Variants in EHBP1 observed in about 807,000 individuals in gnomAD.
The protein encoded by EHBP1 is EH domain binding protein 1, also known as EH domain-binding protein 1.
A neutral mutation model predicts 144.0 loss-of-function variants in EHBP1; 55 were observed. The observed-to-expected ratio is 0.38, with a 90% CI of 0.31 to 0.48. EHBP1 has a LOEUF of 0.48. Ranked by LOEUF, EHBP1 falls within the 20% of genes least tolerant of loss-of-function variation. EHBP1 has a pLI of 0.98. For synonymous variants in EHBP1, 469 were observed against 472.7 expected (o/e 0.99, Z 0.10); for missense variants, 1,200 against 1,364.2 (o/e 0.88, Z 1.90).
chr2:62,930,642 G>A (rs1342755276), intron 10 of EHBP1, among the ~76,000 whole-genome samples: 1 of 152,116 alleles, frequency 6.6e-6, no homozygotes, highest in Non-Finnish European at 1.5e-5. Context: ...CACAGCTACA[G>A]TAATCAAGAC....
At chr2:62,817,173 A>T (rs151185316) in intron 5 of EHBP1, among the ~76,000 whole-genome samples, 1,589 of 152,352 alleles carry the variant, frequency 0.01, 13 homozygotes, top group Non-Finnish European at 0.019. Context: ...GTGGTGAGCA[A>T]GTAAACAGTA....
At chr2:63,011,559 GTTGT>G (rs1198831396) in intron 19 of EHBP1, among the ~76,000 whole-genome samples, 1 of 151,802 alleles carries the variant, frequency 6.6e-6, no homozygotes, top group East Asian at 1.9e-4. Flanking sequence ...TCTTTTTGTG[GTTGT>G]TTAACAGAAT....
chr2:62,965,117 T>C (rs190856439), intron 14 of EHBP1: 7 of 152,710 alleles, frequency 4.6e-5, no homozygotes, highest in Admixed American at 4.6e-4. Flanking sequence ...AAACTGTTTG[T>C]GCCACAGTAG....
rs2056148804 is a variant in EHBP1, at chr2:62,933,294, G to A, written c.1186-9424G>A. ...CTGGCTTAATTGAAAACAGCTTTCT[G>A]CATTCAATATGTTGTAATGTGTTTT... On this transcript the variant is annotated intron_variant, in intron 10 of 22. Coordinates refer to ENST00000431489, the MANE Select transcript of EHBP1 (RefSeq NM_001142616.3). 3.3e-5 allele frequency among the ~76,000 whole-genome samples: 5 copies of A among 152,042 alleles called. No homozygotes were observed. The South Asian group carries it at 1.0e-3, about 32-fold the overall frequency.
chr2:62,902,666 A>T (rs1453366881), intron 10 of EHBP1, among the ~76,000 whole-genome samples: 4 of 152,224 alleles, frequency 2.6e-5, no homozygotes, highest in Admixed American at 2.6e-4. Context: ...AACTGTGAAT[A>T]TTGCATAAAA....
At chr2:62,704,043 C>T (rs1045606045), upstream of EHBP1, among the ~76,000 whole-genome samples, 3 of 152,190 alleles carry the variant, frequency 2.0e-5, no homozygotes, top group African/African-American at 7.2e-5. Context: ...ACTCCACACA[C>T]TTAAAGCCTA....
At chr2:62,898,738 G>T (rs1285914052) in intron 10 of EHBP1, among the ~76,000 whole-genome samples, 1 of 152,136 alleles carries the variant, frequency 6.6e-6, no homozygotes, top group African/African-American at 2.4e-5. Flanking sequence ...GAAAGGAAAA[G>T]AAAGAGGGAG....
chr2:62,932,469 C>T lies in EHBP1; in HGVS notation c.1186-10249C>T, dbSNP rs369449993. Among the ~76,000 whole-genome samples the T allele has an allele frequency of 3.3e-5, 5 of 151,998 alleles. No homozygotes were observed. The East Asian group carries it at 5.8e-4, about 18-fold the overall frequency. ...ATAATGCTAAATGAAATGAATTTAT[C>T]ACAAAAAGACAAATACTGTATGATT... On this transcript the variant is annotated intron_variant, in intron 10 of 22. Transcript: ENST00000431489.
chr2:62,704,886 T>C (rs566512838), upstream of EHBP1, among the ~76,000 whole-genome samples: 2 of 152,330 alleles, frequency 1.3e-5, no homozygotes, highest in East Asian at 1.9e-4. Flanking sequence ...CTCCTCCTTT[T>C]TGCCTTTGAC....
intron 7 of EHBP1, among the ~76,000 whole-genome samples, chr2:62,847,281 C>A (rs1378462790): frequency 1.3e-5 from 2 of 152,144 alleles, no homozygotes; most frequent in African/African-American, 2.4e-5. Context: ...CCTCAACCCC[C>A]ACCTCTCCAC....
intron 3 of EHBP1, among the ~76,000 whole-genome samples, chr2:62,748,454 G>A (rs2039362426): frequency 1.3e-5 from 2 of 152,118 alleles, no homozygotes; most frequent in South Asian, 4.1e-4. Flanking sequence ...AGGAATTTAA[G>A]ACCAGCCTGG....
rs1476456590 is a variant in EHBP1, at chr2:63,038,739, C to A, written c.3204-4C>A. The stretch of plus-strand genomic sequence containing the variant: ...ATATTGATGAACTTTTGCAACTTGC[C>A]CAGGGAAAAAGAACATGATTTAGAA... On this transcript the variant is annotated splice_region_variant and splice_polypyrimidine_tract_variant and intron_variant, in intron 20 of 22. Transcript: ENST00000431489. 6.2e-7 allele frequency: 1 copy of A among 1,612,268 alleles called. No individual in the cohort carries two copies. The highest frequency in any genetic ancestry group is 1.3e-5 in the African/African-American group (1 of 74,814).
intron 7 of EHBP1, among the ~76,000 whole-genome samples, chr2:62,835,785 G>A (rs1306683038): frequency 3.3e-5 from 5 of 152,136 alleles, no homozygotes; most frequent in Non-Finnish European, 5.9e-5. Context: ...TTTTCAGACC[G>A]GCTTAAAAAA....
At chr2:62,966,657 G>A (rs557138911) in intron 14 of EHBP1, among the ~76,000 whole-genome samples, 1 of 152,112 alleles carries the variant, frequency 6.6e-6, no homozygotes, top group South Asian at 2.1e-4. Flanking sequence ...TAAAAATTTA[G>A]TGTACATAAA....
At chr2:62,964,192 A>G (rs75160934) in intron 14 of EHBP1, among the ~76,000 whole-genome samples, 4 of 151,434 alleles carry the variant, frequency 2.6e-5, no homozygotes, top group African/African-American at 4.9e-5. Context: ...GTTGTGGAGG[A>G]AAAAAAAACC....
chr2:62,949,767 G>A (rs2057281383), intron 13 of EHBP1, among the ~76,000 whole-genome samples: 1 of 152,090 alleles, frequency 6.6e-6, no homozygotes, highest in Non-Finnish European at 1.5e-5. Context: ...TTCTCCTCAT[G>A]AAGGGAATAC....
intron 7 of EHBP1, 44 bp downstream of exon 7, chr2:62,831,202 AG>A (rs2152655839): frequency 1.3e-6 from 2 of 1,543,756 alleles, no homozygotes; most frequent in East Asian, 4.8e-5. Flanking sequence ...CTTTTGTTGC[AG>A]AGTTCAAAAA....
chr2:62,896,362 A>C (rs867655244), intron 10 of EHBP1, among the ~76,000 whole-genome samples: 8 of 152,332 alleles, frequency 5.3e-5, no homozygotes, highest in African/African-American at 1.4e-4. Flanking sequence ...CCTGGGATGT[A>C]AAGGATCTTA....
At chr2:62,784,154 T>A (rs1359236643) in intron 5 of EHBP1, among the ~76,000 whole-genome samples, 2 of 152,204 alleles carry the variant, frequency 1.3e-5, no homozygotes, top group Non-Finnish European at 2.9e-5. Context: ...AACTACTAAT[T>A]AAATCACTAA....
Sources: gnomAD v4.1 joint callset for allele counts (sites outside exome capture counted in the v4.1 genomes callset) on GRCh38, gnomAD v4.1.1 for gene constraint, MANE v1.5 for transcripts, NCBI Gene and HGNC (gene_info 2026-07-23, HGNC 2026-07-21) for gene names.